TMX3: variants seen among roughly 807,000 people sequenced by gnomAD.
TMX3 encodes protein disulfide-isomerase TMX3.
TMX3 carries 40 observed loss-of-function variants against 64.4 expected under a neutral mutation model. The observed-to-expected ratio is 0.62, with a 90% confidence interval of 0.48 to 0.81. The LOEUF (loss-of-function observed/expected upper bound fraction) is 0.81. Ranked by LOEUF, TMX3 falls within the 30% of genes least tolerant of loss-of-function variation. The probability of loss-of-function intolerance (pLI) is 0.00; values close to 1 mark genes in which losing one functional copy is unlikely to be tolerated. For synonymous variants in TMX3, 189 were observed against 175.7 expected (o/e 1.08, Z -0.60); for missense variants, 497 against 534.5 (o/e 0.93, Z 0.69).
chr18:68,676,804 T>A lies in TMX3; in HGVS notation c.*129A>T. 1 of 1,167,556 alleles carries A rather than the reference T, an allele frequency of 8.6e-7. No individual in the cohort carries two copies. Among genetic ancestry groups the A allele is most frequent in the Non-Finnish European group, 1.2e-6 (1 of 849,420 alleles). 72.3% of individuals were successfully genotyped at this position (1,167,556 alleles called of 1,614,324 possible). A position where few individuals can be genotyped will look rare whatever the true frequency, so the allele number is the denominator to read the frequency against. On this transcript the variant is annotated 3_prime_UTR_variant, in exon 16 of 16. Coordinates refer to ENST00000299608, the MANE Select transcript of TMX3 (RefSeq NM_019022.5). ...TGTATGGAGGGACTACTTTAATCCA[T>A]GCAGTTGATATTAGCAAAATACGAA...
chr18:68,702,297 T>C (rs1184707777), intron 4 of TMX3, among the ~76,000 whole-genome samples: 3 of 151,844 alleles, frequency 2.0e-5, no homozygotes, highest in South Asian at 2.1e-4. Context: ...TTAATTACTA[T>C]GGTCAACAGA....
At chr18:68,684,268 A>C in intron 11 of TMX3, 25 bp from the exon 12 acceptor site, 1 of 1,589,292 alleles carries the variant, frequency 6.3e-7, no homozygotes, top group South Asian at 1.1e-5. Flanking sequence ...ACATATGAAT[A>C]GTTCATCTCT....
rs772526082 is a variant in TMX3 at position 68,673,867 on chromosome 18, A to G, written c.*3066T>C. 2.0e-5 allele frequency: 3 copies of G among 152,148 alleles called. No homozygotes were observed. The highest frequency in any genetic ancestry group is 4.4e-5 in the Non-Finnish European group (3 of 68,014). 9.4% of individuals were successfully genotyped at this position (152,148 alleles called of 1,614,324 possible). A position where few individuals can be genotyped will look rare whatever the true frequency, so the allele number is the denominator to read the frequency against. On this transcript the variant is annotated 3_prime_UTR_variant, in exon 16 of 16. Coordinates refer to ENST00000299608, the MANE Select transcript of TMX3 (RefSeq NM_019022.5). ...ACTCAGACACATTCAGAAAAAATAT[A>G]TATTTATAAAAATAAAATGTCAAGC... is the stretch of plus-strand genomic sequence containing the variant.
chr18:68,691,135 T>C (rs968640256), intron 9 of TMX3, 160 bp downstream of exon 9: 8 of 428,344 alleles, frequency 1.9e-5, no homozygotes, highest in Non-Finnish European at 3.4e-5. Context: ...CAATTATAAG[T>C]TGAAGGGTGA....
chr18:68,684,002 A>G (rs1913700428), intron 12 of TMX3, among the ~76,000 whole-genome samples, 188 bp downstream of exon 12: 1 of 152,140 alleles, frequency 6.6e-6, no homozygotes, highest in South Asian at 2.1e-4. Context: ...ATTCCATTCT[A>G]TGCTAAGTTT....
chr18:68,703,686 T>C (rs1229879633), intron 4 of TMX3, among the ~76,000 whole-genome samples: 1 of 152,132 alleles, frequency 6.6e-6, no homozygotes. Context: ...AAAAAAAGCC[T>C]TTGGGAGGCT....
At position 68,706,903 on chromosome 18, in the gene TMX3, A is replaced by C. The variant is rs17079597; in HGVS notation, c.265+3118T>G. Among the ~76,000 whole-genome samples the C allele has an allele frequency of 3.3e-5, 5 of 152,324 alleles. No individual in the cohort carries two copies. The East Asian group carries it at 9.6e-4, about 29-fold the overall frequency. On this transcript the variant is annotated intron_variant, in intron 4 of 15. Transcript: ENST00000299608. The stretch of plus-strand genomic sequence containing the variant: ...AGGAAGAAAGGTTGCTTCACTACAC[A>C]TAACACATTCCCTTGGTGCTAATAT...
chr18:68,708,017 G>A (rs916954109), intron 4 of TMX3, among the ~76,000 whole-genome samples: 1 of 127,772 alleles, frequency 7.8e-6, no homozygotes, highest in Non-Finnish European at 1.5e-5. Flanking sequence ...GTGTATATGT[G>A]TATATATGTG....
At chr18:68,697,116 T>C in intron 8 of TMX3, 110 bp downstream of exon 8, 1 of 628,306 alleles carries the variant, frequency 1.6e-6, no homozygotes, top group African/African-American at 1.9e-5. Flanking sequence ...ATAAATCTGA[T>C]ATTAAAATCA....
chr18:68,679,547 AG>A lies in TMX3; in HGVS notation c.1036-17del. The A allele has an allele frequency of 6.2e-7, 1 of 1,604,102 alleles. No homozygotes were observed. Among genetic ancestry groups the A allele is most frequent in the South Asian group, 1.1e-5 (1 of 89,790 alleles). ...CTCCTTGGGCCTTCAAAAAAGGAAA[AG>A]AAAAATAAATTATTTAAGCACCATT... On this transcript the variant is annotated splice_polypyrimidine_tract_variant and intron_variant, in intron 14 of 15. Transcript: ENST00000299608.
chr18:68,683,283 T>G (rs1028141478), intron 12 of TMX3, among the ~76,000 whole-genome samples: 5 of 152,064 alleles, frequency 3.3e-5, no homozygotes, highest in Admixed American at 6.5e-5. Flanking sequence ...CTGAAATATG[T>G]TTAAGAAAAA....
At chr18:68,680,590 T>C (rs1042113838) in intron 14 of TMX3, among the ~76,000 whole-genome samples, 3 of 152,256 alleles carry the variant, frequency 2.0e-5, no homozygotes, top group African/African-American at 7.2e-5. Context: ...AACGACTTAA[T>C]CCAATTGTAC....
At chr18:68,710,203 C>T (rs1810569354) in intron 3 of TMX3, 59 bp from the exon 4 acceptor site, 3 of 1,372,388 alleles carry the variant, frequency 2.2e-6, no homozygotes, top group Non-Finnish European at 2.9e-6. Context: ...TGTTGTGCTA[C>T]AGTAAATATG....
intron 4 of TMX3, among the ~76,000 whole-genome samples, chr18:68,707,618 T>TATGTTC (rs2030804511): frequency 1.3e-5 from 2 of 152,228 alleles, no homozygotes; most frequent in African/African-American, 4.8e-5. Context: ...ATTGACTGTT[T>TATGTTC]ATCTTCATAG....
intron 2 of TMX3, among the ~76,000 whole-genome samples, chr18:68,713,133 A>C (rs1474134917): frequency 6.6e-6 from 1 of 152,194 alleles, no homozygotes; most frequent in Non-Finnish European, 1.5e-5. Context: ...AGCACTGAAC[A>C]AAAGTCTTCT....
chr18:68,698,098 C>T (rs1915292464), intron 6 of TMX3, 67 bp from the exon 7 acceptor site: 2 of 1,000,110 alleles, frequency 2.0e-6, no homozygotes, highest in South Asian at 1.4e-5. Context: ...ACTATTTATA[C>T]TATAACTAAT....
In TMX3 at chr18:68,707,984, T is replaced by C. The variant is rs1235054122; in HGVS notation, c.265+2037A>G. ...GTGTATATGTGTACATATATGTGTA[T>C]GTGTATATATGTGTATATATATGTG... On this transcript the variant is annotated intron_variant, in intron 4 of 15. Transcript: ENST00000299608. Among the ~76,000 whole-genome samples, 7 of 147,470 alleles carry C rather than the reference T, an allele frequency of 4.7e-5. No individual in the cohort carries two copies. The East Asian group carries it at 9.7e-4, about 20-fold the overall frequency.
chr18:68,676,903 T>G lies in TMX3; in HGVS notation c.*30A>C. 6.3e-7 allele frequency: 1 copy of G among 1,588,746 alleles called. No homozygotes were observed. Among genetic ancestry groups the G allele is most frequent in the Non-Finnish European group, 8.6e-7 (1 of 1,169,288 alleles). ...AAATAGACTCTTTAATAATTTGAAG[T>G]CCTAACAAATATTTTATAGTCATCA... is the stretch of plus-strand genomic sequence containing the variant. On this transcript the variant is annotated 3_prime_UTR_variant, in exon 16 of 16. Transcript: ENST00000299608.
chr18:68,676,834 A>G lies in TMX3; in HGVS notation c.*99T>C. On this transcript the variant is annotated 3_prime_UTR_variant, in exon 16 of 16. Transcript: ENST00000299608. ...TTGATATTAGCAAAATACGAATAAC[A>G]TGTTCTTTTCTGTAAAGATCATGAT... 1 of 1,433,824 alleles carries G rather than the reference A, an allele frequency of 7.0e-7. No homozygotes were observed. Among genetic ancestry groups the G allele is most frequent in the South Asian group, 1.4e-5 (1 of 71,026 alleles). 88.8% of individuals were successfully genotyped at this position (1,433,824 alleles called of 1,614,324 possible).
Sources: allele counts gnomAD v4.1 joint callset (sites outside exome capture counted in the v4.1 genomes callset), GRCh38; gene constraint gnomAD v4.1.1; transcripts MANE v1.5; gene names NCBI Gene and HGNC (gene_info 2026-07-23, HGNC 2026-07-21).